SLC27A6: variants seen among roughly 807,000 people sequenced by gnomAD.
The protein encoded by SLC27A6 is long-chain fatty acid transport protein 6.
Under a neutral mutation model 63.9 loss-of-function variants are expected in SLC27A6, and 74 were observed. That is an observed-to-expected ratio of 1.16 (90% confidence interval 0.96 to 1.40). The LOEUF (loss-of-function observed/expected upper bound fraction) is 1.40, where lower values mean the gene tolerates loss of function less well. Ranked by LOEUF, SLC27A6 falls within the 40% of genes most tolerant of loss-of-function variation. The pLI is 0.00. For missense variants in SLC27A6, 794 were observed against 732.9 expected (o/e 1.08, Z -0.96); for synonymous variants, 287 against 260.8 (o/e 1.10, Z -0.97).
chr5:129,033,171 T>G lies in SLC27A6; in HGVS notation c.1749T>G (p.Asn583Lys), dbSNP rs1353488675. ...ATCAGTTGGTGGAAGATGGATTTAATCCACTGAAAATTTCTGAACCACTTT... is the reference window on the plus strand; with the variant it reads ...ATCAGTTGGTGGAAGATGGATTTAAGCCACTGAAAATTTCTGAACCACTTT... ...LKHQLVEDGFNPLKISEPLYF... is the reference protein window; with the variant it reads ...LKHQLVEDGFKPLKISEPLYF... Residue 583 changes from asparagine (N) to lysine (K), a missense_variant, in exon 10 of 10, where the codon AAT becomes AAG. Transcript: ENST00000262462. 6.2e-7 allele frequency: 1 copy of G among 1,609,846 alleles called. No homozygotes were observed. Among genetic ancestry groups the G allele is most frequent in the Non-Finnish European group, 8.5e-7 (1 of 1,177,564 alleles).
At chr5:129,009,170 T>C (rs1411965422) in intron 4 of SLC27A6, among the ~76,000 whole-genome samples, 2 of 152,158 alleles carry the variant, frequency 1.3e-5, no homozygotes, top group Non-Finnish European at 2.9e-5. Flanking sequence ...TCAATTGAAT[T>C]TTTAAAAATC....
chr5:128,987,152 A>G (rs1479031251), intron 2 of SLC27A6, among the ~76,000 whole-genome samples: 1 of 152,138 alleles, frequency 6.6e-6, no homozygotes, highest in Non-Finnish European at 1.5e-5. Flanking sequence ...ATATATGTAT[A>G]TAGATAGATA....
intron 9 of SLC27A6, among the ~76,000 whole-genome samples, chr5:129,030,138 C>G (rs1752369768): frequency 6.6e-6 from 1 of 151,948 alleles, no homozygotes; most frequent in South Asian, 2.1e-4. Context: ...ATTTTTATTG[C>G]TGTTCTGTCC....
chr5:129,013,678 T>C (rs1057345089), intron 4 of SLC27A6, among the ~76,000 whole-genome samples: 1 of 152,128 alleles, frequency 6.6e-6, no homozygotes, highest in Non-Finnish European at 1.5e-5. Context: ...TTTTAGGTTT[T>C]ATTTATTTAT....
chr5:129,022,170 A>G (rs977974126), intron 5 of SLC27A6, among the ~76,000 whole-genome samples: 2 of 152,186 alleles, frequency 1.3e-5, no homozygotes, highest in African/African-American at 4.8e-5. Context: ...GTATTTTAAT[A>G]AACAGTCTTT....
chr5:129,007,204 G>A (rs1751571026), intron 4 of SLC27A6, among the ~76,000 whole-genome samples: 1 of 151,992 alleles, frequency 6.6e-6, no homozygotes, highest in Non-Finnish European at 1.5e-5. Context: ...CCAGCACTTT[G>A]GGAGGCCGAG....
intron 1 of SLC27A6, among the ~76,000 whole-genome samples, chr5:128,978,590 A>G (rs912760649): frequency 2.6e-5 from 4 of 152,162 alleles, no homozygotes; most frequent in African/African-American, 9.7e-5. Flanking sequence ...CACCTATCAC[A>G]GTGCACATTA....
intron 7 of SLC27A6, among the ~76,000 whole-genome samples, chr5:129,027,935 G>A (rs1481445787): frequency 6.6e-6 from 1 of 151,962 alleles, no homozygotes; most frequent in East Asian, 1.9e-4. Context: ...AGAGTCAAAG[G>A]GGTTAACACC....
chr5:129,010,770 T>A lies in SLC27A6; in HGVS notation c.970-5115T>A, dbSNP rs1254258390. ...TCTCAGTCCTACACCCTCCAGAAAC[T>A]TGATTCTGTCAAGAACCTGCATGAG... On this transcript the variant is annotated intron_variant, in intron 4 of 9. Transcript: ENST00000262462. Among the ~76,000 whole-genome samples, 4 of 151,826 alleles carry A rather than the reference T, an allele frequency of 2.6e-5. No individual in the cohort carries two copies. The East Asian group carries it at 7.8e-4, about 29-fold the overall frequency.
At chr5:128,993,903 T>A (rs1751062111) in intron 4 of SLC27A6, among the ~76,000 whole-genome samples, 1 of 151,906 alleles carries the variant, frequency 6.6e-6, no homozygotes, top group African/African-American at 2.4e-5. Flanking sequence ...AGGTCAGGAG[T>A]TTGAGGTCAG....
intron 4 of SLC27A6, among the ~76,000 whole-genome samples, chr5:128,999,634 G>A (rs1025697906): frequency 1.3e-5 from 2 of 151,972 alleles, no homozygotes; most frequent in African/African-American, 2.4e-5. Context: ...TTTACACCCC[G>A]CTAGTTTATT....
At position 128,966,585 on chromosome 5, in the gene SLC27A6, G is replaced by C. The variant is rs1179435049; in HGVS notation, c.448G>C (p.Ala150Pro). The C allele has an allele frequency of 6.5e-6, 10 of 1,544,102 alleles. No individual in the cohort carries two copies. The highest frequency in any genetic ancestry group is 1.4e-5 in the African/African-American group (1 of 73,040). Reference protein sequence around the residue: ...RSNSLLNCIRACGPRALVVGA... With the variant: ...RSNSLLNCIRPCGPRALVVGA... ...CAACTCCCTCCTGAATTGCATCCGCGCCTGTGGGCCCAGAGCCCTAGTGGT... is the reference window on the plus strand; with the variant it reads ...CAACTCCCTCCTGAATTGCATCCGCCCCTGTGGGCCCAGAGCCCTAGTGGT... Residue 150 changes from alanine to proline, a missense_variant, in exon 1 of 10, where the codon GCC becomes CCC. Ala to Pro is a conservative substitution (Grantham distance 27, BLOSUM62 -1). Transcript: ENST00000262462.
intron 1 of SLC27A6, among the ~76,000 whole-genome samples, chr5:128,971,233 TG>T (rs1388933916): frequency 6.6e-6 from 1 of 152,178 alleles, no homozygotes; most frequent in Non-Finnish European, 1.5e-5. Context: ...ATGTATATTC[TG>T]TTGATTTGGG....
intron 7 of SLC27A6, 37 bp from the exon 8 acceptor site, chr5:129,028,308 C>T (rs762945120): frequency 7.3e-7 from 1 of 1,377,200 alleles, no homozygotes; most frequent in South Asian, 1.2e-5. Context: ...TTTTCAAATA[C>T]AGGTGCACTA....
intron 5 of SLC27A6, among the ~76,000 whole-genome samples, chr5:129,021,968 A>T (rs910251501): frequency 6.6e-6 from 1 of 152,174 alleles, no homozygotes; most frequent in Non-Finnish European, 1.5e-5. Context: ...CACTGGGCAA[A>T]TTTTCCAAAA....
At position 128,985,341 on chromosome 5, in the gene SLC27A6, G is replaced by A. The variant is rs763283618; in HGVS notation, c.685+5G>A. ...TTTTTACCTCTGGAACAACAGGTATGATCCAATTCTTTTGAAGGCTAAAAT... is the reference window on the plus strand; with the variant it reads ...TTTTTACCTCTGGAACAACAGGTATAATCCAATTCTTTTGAAGGCTAAAAT... On this transcript the variant is annotated splice_donor_5th_base_variant and intron_variant, in intron 2 of 9. Transcript: ENST00000262462. 43 of 1,612,008 alleles carry A rather than the reference G, an allele frequency of 2.7e-5. No homozygotes were observed. Among genetic ancestry groups the A allele is most frequent in the Non-Finnish European group, 3.4e-5 (40 of 1,178,410 alleles).
intron 1 of SLC27A6, among the ~76,000 whole-genome samples, chr5:128,968,707 A>G (rs76869420): frequency 0.24 from 36,339 of 151,530 alleles, 4,905 homozygotes; most frequent in Middle Eastern, 0.33. Context: ...CTCCCATTCT[A>G]TAGGTTGCCT....
At chr5:129,006,071 G>GTTCTTTTTTTTTTTT (rs1751513945) in intron 4 of SLC27A6, among the ~76,000 whole-genome samples, 1 of 60,148 alleles carries the variant, frequency 1.7e-5, no homozygotes, top group Non-Finnish European at 2.7e-5. Context: ...TGTGCACACT[G>GTTCTTTTTTTTTTTT]TTTTTTTTTT....
chr5:128,986,800 A>G (rs909971340), intron 2 of SLC27A6, among the ~76,000 whole-genome samples: 1 of 152,184 alleles, frequency 6.6e-6, no homozygotes, highest in Non-Finnish European at 1.5e-5. Context: ...ATTTTAGAAA[A>G]GGAGGTGATG....
Sources: allele counts gnomAD v4.1 joint callset (sites outside exome capture counted in the v4.1 genomes callset), GRCh38; gene constraint gnomAD v4.1.1; transcripts MANE v1.5; gene names NCBI Gene and HGNC (gene_info 2026-07-23, HGNC 2026-07-21).